The following CPNE1 variants were observed in gnomAD, a reference collection of about 807,000 sequenced individuals.
CPNE1 encodes copine 1, also known as copine-1.
Under a neutral mutation model 63.2 loss-of-function variants are expected in CPNE1, and 58 were observed. That is an observed-to-expected ratio of 0.92 (90% CI 0.74 to 1.14). The LOEUF is 1.14. Ranked by LOEUF, CPNE1 falls within the 50% of genes most tolerant of loss-of-function variation. The pLI is 0.00. For synonymous variants in CPNE1, 237 were observed against 249.0 expected (o/e 0.95, Z 0.45); for missense variants, 672 against 661.7 (o/e 1.02, Z -0.17).
Position 35,631,113 on chromosome 20 carries a change from C to T in CPNE1, c.861+1G>A. 1 of 1,614,136 alleles carries T rather than the reference C, an allele frequency of 6.2e-7. No homozygotes were observed. The highest frequency in any genetic ancestry group is 1.1e-5 in the South Asian group (1 of 91,076). ...CTCTTGCCCTTGGTAAAGTAACTTACAGTGAAGTTGATCTGACAGCCTCCC... is the reference window on the plus strand; with the variant it reads ...CTCTTGCCCTTGGTAAAGTAACTTATAGTGAAGTTGATCTGACAGCCTCCC... On this transcript the variant is annotated splice_donor_variant, in intron 10 of 15. Coordinates refer to ENST00000397443, the MANE Select transcript of CPNE1 (RefSeq NM_152925.3). LOFTEE classifies it high-confidence loss of function.
intron 1 of CPNE1, among the ~76,000 whole-genome samples, chr20:35,636,817 T>C (rs2032511163): frequency 6.6e-6 from 1 of 152,164 alleles, no homozygotes; most frequent in Non-Finnish European, 1.5e-5. Flanking sequence ...ATTTTTTACT[T>C]CAATTGTAAA....
At chr20:35,641,554 G>GT (rs1353133051) in intron 1 of CPNE1, among the ~76,000 whole-genome samples, 1 of 152,180 alleles carries the variant, frequency 6.6e-6, no homozygotes, top group Non-Finnish European at 1.5e-5. Flanking sequence ...CTGGGGGATA[G>GT]TATCTATTTC....
At chr20:35,654,085 G>T (rs779146689) in intron 1 of CPNE1, 1 of 1,614,180 alleles carries the variant, frequency 6.2e-7, no homozygotes, top group Middle Eastern at 1.6e-4. Flanking sequence ...CCCACTGGGC[G>T]ATTTTGACCT....
chr20:35,626,541 C>G (rs750819729), intron 15 of CPNE1, 26 bp downstream of exon 15: 1 of 1,608,836 alleles, frequency 6.2e-7, no homozygotes, highest in Admixed American at 1.7e-5. Context: ...AGGGTAAACT[C>G]CCAGATCAAA....
At chr20:35,639,221 T>G (rs2032663454) in intron 1 of CPNE1, among the ~76,000 whole-genome samples, 1 of 152,230 alleles carries the variant, frequency 6.6e-6, no homozygotes, top group African/African-American at 2.4e-5. Flanking sequence ...AAGGAGTTGT[T>G]GAAGAAATGT....
At chr20:35,654,630 A>G (rs532658606) in intron 1 of CPNE1, 1 of 1,614,184 alleles carries the variant, frequency 6.2e-7, no homozygotes, top group Non-Finnish European at 8.5e-7. Context: ...TGGGTGGCAC[A>G]GAAGGAACTG....
Position 35,653,456 on chromosome 20 carries a change from C to T in CPNE1, c.-1+11304G>A. 3 of 1,614,198 alleles carry T rather than the reference C, an allele frequency of 1.9e-6. No homozygotes were observed. The South Asian group carries it at 3.3e-5, about 18-fold the overall frequency. On this transcript the variant is annotated intron_variant, in intron 1 of 15. Coordinates refer to ENST00000397443, the MANE Select transcript of CPNE1 (RefSeq NM_152925.3). Reference sequence around the variant, plus strand: ...GGATTTTTCTCAATCTCTCTCATATCTTCTAGGGTAACTACATGAACAAAA... The same window carrying T: ...GGATTTTTCTCAATCTCTCTCATATTTTCTAGGGTAACTACATGAACAAAA...
At chr20:35,655,684 T>C (rs1315854244) in intron 1 of CPNE1, among the ~76,000 whole-genome samples, 1 of 152,026 alleles carries the variant, frequency 6.6e-6, no homozygotes, top group East Asian at 1.9e-4. Context: ...CTAAGTCAAA[T>C]CAGGAAACAA....
intron 1 of CPNE1, among the ~76,000 whole-genome samples, chr20:35,647,156 CAAA>C (rs796090345): frequency 2.0e-4 from 30 of 151,068 alleles, no homozygotes; most frequent in African/African-American, 5.8e-4. Flanking sequence ...ACTAAAAATA[CAAA>C]AAAAATTAGC....
chr20:35,631,595 T>C lies in CPNE1; in HGVS notation c.628-17A>G. 6.2e-7 allele frequency: 1 copy of C among 1,612,248 alleles called. No individual in the cohort carries two copies. The highest frequency in any genetic ancestry group is 8.5e-7 in the Non-Finnish European group (1 of 1,178,384). ...GCATTGCACCTGAGGGAAAGGTGTG[T>C]GTGGACATAAACAAGCCAGGTGGCA... On this transcript the variant is annotated splice_polypyrimidine_tract_variant and intron_variant, in intron 7 of 15. Transcript: ENST00000397443.
chr20:35,632,126 T>C, intron 5 of CPNE1, 37 bp downstream of exon 5: 1 of 1,609,446 alleles, frequency 6.2e-7, no homozygotes, highest in Non-Finnish European at 8.5e-7. Flanking sequence ...CTTGGCCCCT[T>C]AACTCTTGGA....
chr20:35,652,812 TGGGCCA>T (rs569323785), intron 1 of CPNE1: 21 of 1,587,810 alleles, frequency 1.3e-5, no homozygotes, highest in East Asian at 6.7e-5. Context: ...CAATATGGAT[TGGGCCA>T]GGGCCGGGGC....
Position 35,632,498 on chromosome 20 carries a change from A to T in CPNE1, c.309+19T>A, listed in dbSNP as rs866998058. On this transcript the variant is annotated intron_variant, in intron 3 of 15. Transcript: ENST00000397443. ...CACAGACCTGCATCTGAAGGATCCT[A>T]ATCCCCAGCCCTACATACCTGTCCT... The T allele has an allele frequency of 1.2e-6, 2 of 1,612,520 alleles. No homozygotes were observed. The highest frequency in any genetic ancestry group is 3.3e-4 in the Middle Eastern group (2 of 6,062).
intron 1 of CPNE1, among the ~76,000 whole-genome samples, chr20:35,639,304 C>A (rs7263858): frequency 2.0e-5 from 3 of 152,034 alleles, no homozygotes; most frequent in African/African-American, 7.2e-5. Context: ...AACTTTGCTA[C>A]ATGTTGAAAA....
At chr20:35,638,022 CAGTA>C (rs1390696089) in intron 1 of CPNE1, among the ~76,000 whole-genome samples, 1 of 152,188 alleles carries the variant, frequency 6.6e-6, no homozygotes, top group Non-Finnish European at 1.5e-5. Flanking sequence ...AGATACTCAT[CAGTA>C]AGTATTTAGT....
chr20:35,638,786 T>C (rs1034179525), intron 1 of CPNE1, among the ~76,000 whole-genome samples: 3 of 152,180 alleles, frequency 2.0e-5, no homozygotes, highest in Non-Finnish European at 2.9e-5. Flanking sequence ...TATAGAAAAC[T>C]ATTCAGCAAC....
At chr20:35,656,117 A>G (rs1406356106) in intron 1 of CPNE1, among the ~76,000 whole-genome samples, 3 of 152,152 alleles carry the variant, frequency 2.0e-5, no homozygotes, top group African/African-American at 7.3e-5. Flanking sequence ...AGTCCCATTC[A>G]CTGTGACTAT....
Position 35,632,692 on chromosome 20 carries a change from C to T in CPNE1, c.134G>A (p.Gly45Asp), listed in dbSNP as rs1481891856. The change falls in exon 3 of 16, where the codon GGC becomes GAC. Residue 45 changes from glycine to aspartate, a missense_variant. Coordinates refer to ENST00000397443, the MANE Select transcript of CPNE1 (RefSeq NM_152925.3). ...GCAGTTCCGCACCCGTTCAGTCCGG[C>T]CAAGCTGTGGGCAGAGGCCAGTAAG... ...DVGGGSWAELGRTERVRNCSS... is the reference protein window; with the variant it reads ...DVGGGSWAELDRTERVRNCSS... The T allele has an allele frequency of 4.0e-6, 4 of 1,006,476 alleles. No homozygotes were observed. The highest frequency in any genetic ancestry group is 1.3e-5 in the South Asian group (1 of 79,008). The allele number at this position is 1,006,476 out of a possible 1,614,324, so 62.3% of individuals were successfully genotyped here.
chr20:35,631,316 T>A lies in CPNE1; in HGVS notation c.753A>T (p.Lys251Asn). 2.5e-6 allele frequency: 4 copies of A among 1,614,158 alleles called. No individual in the cohort carries two copies. In the South Asian group the frequency reaches 4.4e-5, roughly 18 times the overall value. ...TTCCAGAGTTCTTGTAGCTTTTCTT[T>A]TTCTGCTGCTTCTCAGGGTGGATGC... Reference protein sequence around the residue: ...FECIHPEKQQKKKSYKNSGTI... With the variant: ...FECIHPEKQQNKKSYKNSGTI... Residue 251 changes from lysine to asparagine, a missense_variant, in exon 9 of 16, where the codon AAA (lysine) becomes AAT (asparagine). Lys to Asn is a moderately conservative substitution (Grantham distance 94). Transcript: ENST00000397443.
Sources: gnomAD v4.1 joint callset for allele counts (sites outside exome capture counted in the v4.1 genomes callset) on GRCh38, gnomAD v4.1.1 for gene constraint, MANE v1.5 for transcripts, NCBI Gene and HGNC (gene_info 2026-07-23, HGNC 2026-07-21) for gene names.